The following VAV3 variants were observed in gnomAD, a reference collection of about 807,000 sequenced individuals.
VAV3 encodes vav guanine nucleotide exchange factor 3.
A neutral mutation model predicts 131.2 loss-of-function variants in VAV3; 94 were observed. That is an observed-to-expected ratio of 0.72 (90% CI 0.61 to 0.85). VAV3 has a LOEUF of 0.85. Among genes scored for constraint, VAV3 ranks in the 40% least tolerant of loss-of-function variants. VAV3 has a pLI of 0.00. For missense variants in VAV3, 939 were observed against 1,002.7 expected, an observed-to-expected ratio of 0.94 and a Z score of 0.86; for synonymous variants, 349 against 342.0, an observed-to-expected ratio of 1.02 and a Z score of -0.22.
chr1:107,672,507 A>C (rs1657891100), intron 19 of VAV3, among the ~76,000 whole-genome samples: 1 of 151,966 alleles, frequency 6.6e-6, no homozygotes, highest in African/African-American at 2.4e-5. Flanking sequence ...AAAATTTTCT[A>C]AGCATAAAAG....
At chr1:107,789,173 C>T (rs944002699) in intron 2 of VAV3, among the ~76,000 whole-genome samples, 6 of 152,170 alleles carry the variant, frequency 3.9e-5, no homozygotes, top group African/African-American at 9.7e-5. Context: ...GAAAGTTTAA[C>T]GAATGCTCAG....
intron 10 of VAV3, 76 bp from the exon 11 acceptor site, chr1:107,757,405 A>T (rs1664172117): frequency 8.4e-7 from 1 of 1,189,010 alleles, no homozygotes; most frequent in Non-Finnish European, 1.2e-6. Context: ...ATTTTTACAA[A>T]TAAACCATTA....
chr1:107,846,251 G>T (rs1194198519), intron 2 of VAV3, among the ~76,000 whole-genome samples: 1 of 152,202 alleles, frequency 6.6e-6, no homozygotes, highest in East Asian at 1.9e-4. Flanking sequence ...CAAATGCTGA[G>T]AGATTTTATC....
intron 15 of VAV3, among the ~76,000 whole-genome samples, chr1:107,728,827 G>T (rs1057449158): frequency 5.9e-5 from 9 of 152,068 alleles, no homozygotes; most frequent in African/African-American, 2.2e-4. Context: ...CGCAACTATA[G>T]AATTATAATT....
chr1:107,883,279 T>C (rs1298023144), intron 1 of VAV3, among the ~76,000 whole-genome samples: 2 of 152,172 alleles, frequency 1.3e-5, no homozygotes, highest in African/African-American at 2.4e-5. Context: ...ACATCTGTTA[T>C]GGTAATAACT....
rs575566056 is a variant in VAV3 at position 107,609,220 on chromosome 1, A to C, written c.2015+711T>G. On this transcript the variant is annotated intron_variant, in intron 22 of 26. Coordinates refer to ENST00000370056, the MANE Select transcript of VAV3 (RefSeq NM_006113.5). ...TATTAGTTATTATGACATCATGACTATACTAAATCCTAAATATATTTTTTA... is the reference window on the plus strand; with the variant it reads ...TATTAGTTATTATGACATCATGACTCTACTAAATCCTAAATATATTTTTTA... 7.9e-5 allele frequency among the ~76,000 whole-genome samples: 12 copies of C among 152,358 alleles called. No individual in the cohort carries two copies. In the South Asian group the frequency reaches 2.5e-3, roughly 32 times the overall value.
At chr1:107,806,208 G>A (rs980876926) in intron 2 of VAV3, among the ~76,000 whole-genome samples, 1 of 152,170 alleles carries the variant, frequency 6.6e-6, no homozygotes, top group African/African-American at 2.4e-5. Context: ...GGGAACACAA[G>A]ACAATGGGGA....
intron 2 of VAV3, among the ~76,000 whole-genome samples, chr1:107,842,490 C>T (rs182970177): frequency 2.0e-4 from 31 of 152,242 alleles, no homozygotes; most frequent in African/African-American, 7.0e-4. Context: ...GAAATTGTTT[C>T]GGTACTTCCA....
chr1:107,829,459 G>A (rs1257519484), intron 2 of VAV3, among the ~76,000 whole-genome samples: 1 of 152,132 alleles, frequency 6.6e-6, no homozygotes, highest in Non-Finnish European at 1.5e-5. Flanking sequence ...GGAGATTAAA[G>A]TTTATTTATA....
At chr1:107,691,775 A>T (rs1443710294) in intron 17 of VAV3, among the ~76,000 whole-genome samples, 1 of 152,104 alleles carries the variant, frequency 6.6e-6, no homozygotes, top group African/African-American at 2.4e-5. Context: ...AACTGGCTTA[A>T]TATAATTCTG....
intron 1 of VAV3, among the ~76,000 whole-genome samples, chr1:107,889,754 A>C (rs1671226278): frequency 6.6e-6 from 1 of 152,236 alleles, no homozygotes; most frequent in African/African-American, 2.4e-5. Flanking sequence ...CAGTCTATTC[A>C]GGAAGCTGTA....
chr1:107,748,908 T>A, intron 15 of VAV3, 60 bp downstream of exon 15: 1 of 1,223,812 alleles, frequency 8.2e-7, no homozygotes, highest in Non-Finnish European at 1.2e-6. Flanking sequence ...TGGTTGTTCA[T>A]TATTCATAAG....
intron 2 of VAV3, among the ~76,000 whole-genome samples, chr1:107,783,868 G>C (rs1367355705): frequency 7.1e-6 from 1 of 140,994 alleles, no homozygotes; most frequent in Admixed American, 7.3e-5. Context: ...CCAACACAGT[G>C]AAACCCTATC....
rs1273422209 is a variant in VAV3, at chr1:107,630,282, T to C, written c.1914+12337A>G. 2.0e-5 allele frequency among the ~76,000 whole-genome samples: 3 copies of C among 152,062 alleles called. No individual in the cohort carries two copies. In the South Asian group the frequency reaches 6.2e-4, roughly 32 times the overall value. The stretch of plus-strand genomic sequence containing the variant: ...CCAACATGAAACACAGTCAGTTACA[T>C]AGTAGGCACTTTATAAGTATATGAA... On this transcript the variant is annotated intron_variant, in intron 20 of 26. Transcript: ENST00000370056.
chr1:107,867,254 AAGAGT>A (rs1372980852), intron 2 of VAV3, among the ~76,000 whole-genome samples: 1 of 152,190 alleles, frequency 6.6e-6, no homozygotes, highest in African/African-American at 2.4e-5. Flanking sequence ...TAGTTTACAG[AAGAGT>A]AAAGAGTTTA....
chr1:107,895,062 TGAG>T (rs1257588483), intron 1 of VAV3, among the ~76,000 whole-genome samples: 1 of 151,508 alleles, frequency 6.6e-6, no homozygotes, highest in Non-Finnish European at 1.5e-5. Flanking sequence ...GCTGGGGGAA[TGAG>T]GAGAAATCAA....
intron 15 of VAV3, among the ~76,000 whole-genome samples, chr1:107,726,928 G>C (rs1661879548): frequency 6.6e-6 from 1 of 152,024 alleles, no homozygotes; most frequent in East Asian, 1.9e-4. Context: ...ACAAACACAT[G>C]TATACACATA....
intron 1 of VAV3, among the ~76,000 whole-genome samples, chr1:107,934,603 G>T (rs749697237): frequency 1.1e-3 from 165 of 152,154 alleles, no homozygotes; most frequent in Non-Finnish European, 8.2e-4. Flanking sequence ...AACCAAAAAA[G>T]TATAGTTCTA....
At chr1:107,667,153 G>C (rs1206176333) in intron 19 of VAV3, among the ~76,000 whole-genome samples, 1 of 152,166 alleles carries the variant, frequency 6.6e-6, no homozygotes. Flanking sequence ...GGAATGTATA[G>C]ATGGTGGCAA....
Sources: allele counts gnomAD v4.1 joint callset (sites outside exome capture counted in the v4.1 genomes callset), GRCh38; gene constraint gnomAD v4.1.1; transcripts MANE v1.5; gene names NCBI Gene and HGNC (gene_info 2026-07-23, HGNC 2026-07-21).